Variants in AHDC1 observed in about 807,000 individuals in gnomAD.
The protein encoded by AHDC1 is transcription factor Gibbin.
Under a neutral mutation model 87.9 loss-of-function variants are expected in AHDC1, and 7 were observed. The observed-to-expected ratio is 0.08, with a 90% CI of 0.05 to 0.15. The LOEUF (loss-of-function observed/expected upper bound fraction) is 0.15. Ranked by LOEUF, AHDC1 falls within the 10% of genes least tolerant of loss-of-function variation. The pLI is 1.00. For synonymous variants in AHDC1, 1,051 were observed against 1,006.8 expected, an observed-to-expected ratio of 1.04 and a Z score of -0.83; for missense variants, 1,841 against 2,253.2, an observed-to-expected ratio of 0.82 and a Z score of 3.70.
intron 3 of AHDC1, among the ~76,000 whole-genome samples, chr1:27,584,433 G>C (rs539606800): frequency 5.3e-5 from 8 of 152,362 alleles, no homozygotes; most frequent in Admixed American, 1.3e-4. Flanking sequence ...TGAGGAAACT[G>C]AGGCTCAGAG....
At chr1:27,537,976 TA>T (rs1397744314) in intron 8 of AHDC1, among the ~76,000 whole-genome samples, 12 of 152,364 alleles carry the variant, frequency 7.9e-5, no homozygotes, top group African/African-American at 2.9e-4. Flanking sequence ...TGCTTTCATT[TA>T]AGTGAACAGC....
In AHDC1 at chr1:27,547,194, C is replaced by T; in HGVS notation, c.*43+67G>A. Reference sequence around the variant, plus strand: ...CCTGCACTCCATACCTCTGTCCTTGCCTAAGCTCTGATGTCCTCTTCCCAC... The same window carrying T: ...CCTGCACTCCATACCTCTGTCCTTGTCTAAGCTCTGATGTCCTCTTCCCAC... On this transcript the variant is annotated intron_variant, in intron 8 of 8. Coordinates refer to ENST00000673934, the MANE Select transcript of AHDC1 (RefSeq NM_001371928.1). This position sits in a 1 kb window ranked among gnomAD's most constrained non-coding sequence, Gnocchi z 4.9. The T allele has an allele frequency of 8.5e-7, 1 of 1,172,146 alleles. No individual in the cohort carries two copies. 72.6% of individuals were successfully genotyped at this position (1,172,146 alleles called of 1,614,324 possible).
intron 3 of AHDC1, among the ~76,000 whole-genome samples, chr1:27,597,821 C>T (rs545508841): frequency 5.3e-5 from 8 of 152,212 alleles, no homozygotes; most frequent in Middle Eastern, 3.4e-3. Context: ...TTATCTCTTC[C>T]TGTCTCTCAG....
chr1:27,547,712 G>A lies in AHDC1; in HGVS notation c.4404C>T (p.Tyr1468=). Residue 1468 remains tyrosine (Y), a synonymous_variant, in exon 8 of 9, where the codon TAC becomes TAT. Transcript: ENST00000673934. This position sits in a 1 kb window ranked among gnomAD's most constrained non-coding sequence, Gnocchi z 4.9. The part of the protein sequence containing the change: ...SPSCKGTAYW[Y]PPGSAARSPP... ...GGCTGCGGGCAGCTGAGCCTGGAGGGTACCAATAGGCTGTGCCCTTGCAGC... is the reference window on the plus strand; with the variant it reads ...GGCTGCGGGCAGCTGAGCCTGGAGGATACCAATAGGCTGTGCCCTTGCAGC... The A allele has an allele frequency of 1.3e-6, 2 of 1,595,944 alleles. No homozygotes were observed. Among genetic ancestry groups the A allele is most frequent in the Non-Finnish European group, 1.7e-6 (2 of 1,169,210 alleles).
chr1:27,578,047 T>G (rs1248794760), intron 3 of AHDC1, among the ~76,000 whole-genome samples: 1 of 152,200 alleles, frequency 6.6e-6, no homozygotes, highest in Non-Finnish European at 1.5e-5. Flanking sequence ...TTCCAGATTA[T>G]TCTGGCTCAT....
intron 8 of AHDC1, among the ~76,000 whole-genome samples, chr1:27,543,857 C>T (rs967575555): frequency 6.6e-6 from 1 of 151,926 alleles, no homozygotes; most frequent in African/African-American, 2.4e-5. Context: ...GCAGGAGAAT[C>T]GCTTGAACCC....
At chr1:27,575,896 G>A (rs987878007) in intron 3 of AHDC1, among the ~76,000 whole-genome samples, 6 of 148,580 alleles carry the variant, frequency 4.0e-5, no homozygotes, top group Non-Finnish European at 8.9e-5. Context: ...TGAATGGGAG[G>A]GGGGGCGGGG....
intron 3 of AHDC1, among the ~76,000 whole-genome samples, chr1:27,603,034 T>C (rs2089579350): frequency 7.4e-6 from 1 of 134,750 alleles, no homozygotes; most frequent in Non-Finnish European, 1.6e-5. Flanking sequence ...ATTGCAGTTT[T>C]AAATCCAAAG....
In AHDC1 at chr1:27,534,877, G is replaced by T. The variant is rs1214875402; in HGVS notation, c.*83C>A. On this transcript the variant is annotated 3_prime_UTR_variant, in exon 9 of 9. Transcript: ENST00000673934. ...GCAGGAGCTCCTGCCAGAGGACGAT[G>T]TGGACGCTGGGAGGGATCTTGGCGT... 1 of 152,152 alleles carries T rather than the reference G, an allele frequency of 6.6e-6. No individual in the cohort carries two copies. Among genetic ancestry groups the T allele is most frequent in the Non-Finnish European group, 1.5e-5 (1 of 68,038 alleles). 9.4% of individuals were successfully genotyped at this position (152,152 alleles called of 1,614,324 possible). A position where few individuals can be genotyped will look rare whatever the true frequency, so the allele number is the denominator to read the frequency against.
chr1:27,599,160 C>T (rs1387589959), intron 3 of AHDC1, among the ~76,000 whole-genome samples: 1 of 152,182 alleles, frequency 6.6e-6, no homozygotes, highest in Non-Finnish European at 1.5e-5. Flanking sequence ...ATTGGCTACA[C>T]CCTCCACACA....
At chr1:27,556,135 A>C (rs1299883268) in intron 5 of AHDC1, among the ~76,000 whole-genome samples, 1 of 152,046 alleles carries the variant, frequency 6.6e-6, no homozygotes, top group Non-Finnish European at 1.5e-5. Context: ...TGCTGTGCAC[A>C]GTGCCGGGAA....
At chr1:27,559,256 A>G (rs962698248) in intron 3 of AHDC1, among the ~76,000 whole-genome samples, 3 of 151,458 alleles carry the variant, frequency 2.0e-5, no homozygotes, top group Non-Finnish European at 4.4e-5. Flanking sequence ...GGGTCTCACC[A>G]TCTTGCCCAG....
chr1:27,572,277 G>C (rs146560688), intron 3 of AHDC1, among the ~76,000 whole-genome samples: 1 of 152,272 alleles, frequency 6.6e-6, no homozygotes, highest in Non-Finnish European at 1.5e-5. Flanking sequence ...GAGGGGGCTT[G>C]AGGCTGCCTG....
rs542173631 is a variant in AHDC1 at position 27,563,686 on chromosome 1, G to A, written c.-628-4803C>T. 6.6e-6 allele frequency among the ~76,000 whole-genome samples: 1 copy of A among 152,330 alleles called. No individual in the cohort carries two copies. Among genetic ancestry groups the A allele is most frequent in the South Asian group, 2.1e-4 (1 of 4,832 alleles). ...ATTGCCCCAGTGACAAACACCACTGGCCCCAGAGGAGGTGAAGGCACACAG... is the reference window on the plus strand; with the variant it reads ...ATTGCCCCAGTGACAAACACCACTGACCCCAGAGGAGGTGAAGGCACACAG... On this transcript the variant is annotated intron_variant, in intron 3 of 8. Coordinates refer to ENST00000673934, the MANE Select transcript of AHDC1 (RefSeq NM_001371928.1). The surrounding 1 kb of genome is among the most constrained non-coding windows in gnomAD (Gnocchi z 6.1).
intron 3 of AHDC1, among the ~76,000 whole-genome samples, chr1:27,576,802 G>T (rs1307382166): frequency 6.6e-6 from 1 of 152,164 alleles, no homozygotes; most frequent in Non-Finnish European, 1.5e-5. Flanking sequence ...GGACATGGGG[G>T]GATCACACCA....
At chr1:27,543,132 T>A (rs938966737) in intron 8 of AHDC1, among the ~76,000 whole-genome samples, 13 of 152,244 alleles carry the variant, frequency 8.5e-5, no homozygotes, top group African/African-American at 3.1e-4. Context: ...AGTCAGGCCC[T>A]AGCCGCGTAA....
At chr1:27,587,830 A>G (rs2089106562) in intron 3 of AHDC1, among the ~76,000 whole-genome samples, 1 of 152,188 alleles carries the variant, frequency 6.6e-6, no homozygotes, top group African/African-American at 2.4e-5. Flanking sequence ...CCTTGCTCAT[A>G]GAGGTTGTAT....
intron 3 of AHDC1, among the ~76,000 whole-genome samples, chr1:27,582,813 G>A (rs2088944043): frequency 6.6e-6 from 1 of 152,234 alleles, no homozygotes; most frequent in Non-Finnish European, 1.5e-5. Context: ...CAGTTGACTT[G>A]CCCTGTTCAC....
intron 3 of AHDC1, among the ~76,000 whole-genome samples, chr1:27,586,289 G>C (rs1195768595): frequency 2.0e-5 from 3 of 152,018 alleles, no homozygotes; most frequent in Non-Finnish European, 4.4e-5. Flanking sequence ...GGGAGGGAAA[G>C]GAGGAGCCAC....
Sources: allele counts gnomAD v4.1 joint callset (sites outside exome capture counted in the v4.1 genomes callset), GRCh38; gene constraint gnomAD v4.1.1; non-coding constraint Gnocchi (gnomAD v3.1); transcripts MANE v1.5; gene names NCBI Gene and HGNC (gene_info 2026-07-23, HGNC 2026-07-21).